The following AQR variants were observed in gnomAD, a reference collection of about 807,000 sequenced individuals.
The protein encoded by AQR is aquarius intron-binding spliceosomal factor, also known as RNA helicase aquarius.
AQR carries 61 observed loss-of-function variants against 180.5 expected under a neutral mutation model. The observed-to-expected ratio is 0.34, with a 90% CI of 0.28 to 0.42. The LOEUF (loss-of-function observed/expected upper bound fraction) is 0.42. AQR is among the 10% of genes least tolerant of loss of function. The pLI is 1.00. For synonymous variants in AQR, 551 were observed against 588.8 expected, an observed-to-expected ratio of 0.94 and a Z score of 0.93; for missense variants, 1,281 against 1,798.3, an observed-to-expected ratio of 0.71 and a Z score of 5.20.
At chr15:34,922,993 G>A (rs1485344875) in intron 13 of AQR, among the ~76,000 whole-genome samples, 1 of 151,958 alleles carries the variant, frequency 6.6e-6, no homozygotes, top group Non-Finnish European at 1.5e-5. Context: ...ATTATTATAG[G>A]AGTCCCCCCT....
chr15:34,884,769 T>C (rs757776614), intron 25 of AQR, 35 bp from the exon 26 acceptor site: 1 of 1,467,112 alleles, frequency 6.8e-7, no homozygotes, highest in Non-Finnish European at 9.4e-7. Flanking sequence ...AACTGCCAGC[T>C]AATTATGATG....
intron 25 of AQR, among the ~76,000 whole-genome samples, chr15:34,886,047 C>A (rs780218346): frequency 3.3e-5 from 5 of 152,096 alleles, no homozygotes; most frequent in Admixed American, 6.6e-5. Context: ...AAAAGTACAT[C>A]TTTATGTTGA....
chr15:34,949,319 A>G (rs1046424441), intron 4 of AQR, among the ~76,000 whole-genome samples: 8 of 151,690 alleles, frequency 5.3e-5, no homozygotes, highest in African/African-American at 1.9e-4. Flanking sequence ...CTCTTCTTAA[A>G]GTAAAAGTTG....
At chr15:34,898,828 G>A (rs939886674) in intron 20 of AQR, among the ~76,000 whole-genome samples, 1 of 149,826 alleles carries the variant, frequency 6.7e-6, no homozygotes, top group South Asian at 2.1e-4. Context: ...AGCTTGCAGT[G>A]AGCCAAGATG....
intron 12 of AQR, among the ~76,000 whole-genome samples, chr15:34,928,878 A>G (rs1361461082): frequency 6.6e-6 from 1 of 152,140 alleles, no homozygotes; most frequent in African/African-American, 2.4e-5. Flanking sequence ...AATAATTGCC[A>G]TTCTGACTGG....
At chr15:34,870,653 T>C in intron 31 of AQR, 99 bp downstream of exon 31, 1 of 1,011,852 alleles carries the variant, frequency 9.9e-7, no homozygotes, top group Non-Finnish European at 1.4e-6. Flanking sequence ...TTCTCAAATA[T>C]CTTAAAAAGA....
chr15:34,901,750 G>A (rs2140476905), intron 19 of AQR, among the ~76,000 whole-genome samples: 1 of 152,186 alleles, frequency 6.6e-6, no homozygotes, highest in South Asian at 2.1e-4. Flanking sequence ...CTCTTGTTCA[G>A]GTACTTGGTT....
At chr15:34,903,738 G>A (rs968462722) in intron 19 of AQR, among the ~76,000 whole-genome samples, 4 of 152,104 alleles carry the variant, frequency 2.6e-5, no homozygotes, top group African/African-American at 9.7e-5. Flanking sequence ...TGTATCAAAT[G>A]CTAGAACTGT....
At chr15:34,857,143 T>G (rs1276231696) in intron 34 of AQR, 37 bp from the exon 35 acceptor site, 3 of 1,505,136 alleles carry the variant, frequency 2.0e-6, no homozygotes, top group African/African-American at 2.8e-5. Context: ...AATACCAATA[T>G]GAAAAACAGC....
intron 27 of AQR, 34 bp downstream of exon 27, chr15:34,882,465 TAAA>T (rs34949352): frequency 9.1e-5 from 109 of 1,199,880 alleles, no homozygotes; most frequent in South Asian, 4.9e-4. Flanking sequence ...CTGATAATCT[TAAA>T]AAAAAAAAAA....
intron 12 of AQR, among the ~76,000 whole-genome samples, chr15:34,928,053 T>TTA (rs1893791962): frequency 6.6e-6 from 1 of 152,126 alleles, no homozygotes; most frequent in Admixed American, 6.5e-5. Flanking sequence ...CCAGCTGTGG[T>TTA]TATTTCAAGG....
At chr15:34,874,585 G>T in intron 29 of AQR, 92 bp downstream of exon 29, 2 of 1,474,682 alleles carry the variant, frequency 1.4e-6, no homozygotes, top group Non-Finnish European at 9.3e-7. Flanking sequence ...AGCCAAGAAT[G>T]CTAATAGTCT....
At chr15:34,913,969 A>G (rs749492561) in intron 16 of AQR, among the ~76,000 whole-genome samples, 21 of 152,364 alleles carry the variant, frequency 1.4e-4, no homozygotes, top group Non-Finnish European at 2.8e-4. Context: ...TAATTAAAAA[A>G]TAGAACTCTC....
Position 34,948,314 on chromosome 15 carries a change from T to C in AQR, c.280A>G (p.Ile94Val), listed in dbSNP as rs774341792. The C allele has an allele frequency of 2.1e-5, 34 of 1,613,556 alleles. No homozygotes were observed. Among genetic ancestry groups the C allele is most frequent in the Middle Eastern group, 1.6e-4 (1 of 6,082 alleles). The change falls in exon 5 of 35, where the codon ATC becomes GTC. Residue 94 changes from isoleucine (I) to valine (V), a missense_variant. Coordinates refer to ENST00000156471, the MANE Select transcript of AQR (RefSeq NM_014691.3). ...AACTTCTCATTCACCATACAGCAGATTGACATTAAATAGGCCTTGCTAGAT... is the reference window on the plus strand; with the variant it reads ...AACTTCTCATTCACCATACAGCAGACTGACATTAAATAGGCCTTGCTAGAT... ...EVSSKAYLMS[I>V]CCMVNEKFRE...
In AQR at chr15:34,867,524, C is replaced by T. The variant is rs1892753029; in HGVS notation, c.3854G>A (p.Arg1285Lys). ...LVRTRAVGHL[R>K]DVRRLVVAMS... ...ATTATGAAAGTTTTTTCCTACGTAC[C>T]TCAGATGGCCCACTGCCCTGGTTCG... is the stretch of plus-strand genomic sequence containing the variant. Residue 1285 changes from arginine to lysine, a missense_variant and splice_region_variant, in exon 32 of 35, where the codon AGG becomes AAG. Physicochemically the swap from Arg to Lys is conservative, Grantham distance 26. Transcript: ENST00000156471. 6.2e-7 allele frequency: 1 copy of T among 1,611,436 alleles called. No homozygotes were observed. Among genetic ancestry groups the T allele is most frequent in the Middle Eastern group, 1.7e-4 (1 of 6,040 alleles).
chr15:34,957,774 CA>C (rs1894344562), intron 3 of AQR, among the ~76,000 whole-genome samples: 1 of 144,164 alleles, frequency 6.9e-6, no homozygotes, highest in Non-Finnish European at 1.5e-5. Context: ...CATGAAAAAA[CA>C]TAAAACATAA....
At chr15:34,967,697 TAGAA>T (rs965562357) in intron 1 of AQR, among the ~76,000 whole-genome samples, 1 of 152,086 alleles carries the variant, frequency 6.6e-6, no homozygotes, top group East Asian at 1.9e-4. Context: ...GGCACAGAGT[TAGAA>T]AGGAAGAGGA....
chr15:34,914,779 C>T (rs1314985662), intron 16 of AQR, among the ~76,000 whole-genome samples: 1 of 152,192 alleles, frequency 6.6e-6, no homozygotes, highest in Non-Finnish European at 1.5e-5. Flanking sequence ...CCCTTCCCTT[C>T]TTGAGCATGA....
intron 30 of AQR, among the ~76,000 whole-genome samples, chr15:34,872,583 G>A (rs1892835221): frequency 6.6e-6 from 1 of 152,016 alleles, no homozygotes; most frequent in Admixed American, 6.6e-5. Flanking sequence ...TTCTAAGGTG[G>A]CTATTAGGAA....
Sources: gnomAD v4.1 joint callset for allele counts (sites outside exome capture counted in the v4.1 genomes callset) on GRCh38, gnomAD v4.1.1 for gene constraint, MANE v1.5 for transcripts, NCBI Gene and HGNC (gene_info 2026-07-23, HGNC 2026-07-21) for gene names.